The following AUTS2 variants were observed in gnomAD, a reference collection of about 807,000 sequenced individuals.
The protein encoded by AUTS2 is autism susceptibility gene 2 protein.
AUTS2 carries 17 observed loss-of-function variants against 112.4 expected under a neutral mutation model. The ratio of observed to expected loss-of-function variants is 0.15; its 90% CI spans 0.10 to 0.23. The LOEUF (loss-of-function observed/expected upper bound fraction) is 0.23, where lower values mean the gene tolerates loss of function less well. Ranked by LOEUF, AUTS2 falls within the 10% of genes least tolerant of loss-of-function variation. AUTS2 has a pLI of 1.00. For missense variants in AUTS2, 1,510 were observed against 1,701.6 expected, an observed-to-expected ratio of 0.89 and a Z score of 1.98; for synonymous variants, 751 against 702.7, an observed-to-expected ratio of 1.07 and a Z score of -1.09.
intron 1 of AUTS2, among the ~76,000 whole-genome samples, chr7:69,688,921 A>T (rs1562811985): frequency 6.6e-6 from 1 of 152,248 alleles, no homozygotes. Flanking sequence ...TGTAAATTTT[A>T]TTCCAAAATT....
At chr7:70,590,746 G>T (rs954593931) in intron 5 of AUTS2, among the ~76,000 whole-genome samples, 30 of 152,202 alleles carry the variant, frequency 2.0e-4, no homozygotes, top group Admixed American at 5.9e-4. Context: ...AGTCTGAGTT[G>T]TCAACAAAAC....
intron 3 of AUTS2, among the ~76,000 whole-genome samples, chr7:70,126,707 TAAAC>T (rs1805991203): frequency 6.6e-6 from 1 of 152,216 alleles, no homozygotes; most frequent in Non-Finnish European, 1.5e-5. Flanking sequence ...AAACTTTTAA[TAAAC>T]AAGCCTCAAA....
intron 2 of AUTS2, among the ~76,000 whole-genome samples, chr7:69,995,178 T>G (rs1337261844): frequency 6.6e-6 from 1 of 152,204 alleles, no homozygotes; most frequent in African/African-American, 2.4e-5. Flanking sequence ...ACTTTTTGTT[T>G]AGGCTTACTA....
chr7:70,581,653 C>G (rs1802453784), intron 5 of AUTS2, among the ~76,000 whole-genome samples: 1 of 151,584 alleles, frequency 6.6e-6, no homozygotes, highest in South Asian at 2.1e-4. Context: ...CTCTCACCCA[C>G]CTGACCCCTT....
chr7:69,967,116 A>C (rs1309028271), intron 2 of AUTS2, among the ~76,000 whole-genome samples: 1 of 152,154 alleles, frequency 6.6e-6, no homozygotes, highest in Admixed American at 6.6e-5. Context: ...AATTTTCTGT[A>C]GGCGTGGAGA....
intron 4 of AUTS2, among the ~76,000 whole-genome samples, chr7:70,373,844 A>C (rs1792958220): frequency 6.6e-6 from 1 of 152,076 alleles, no homozygotes; most frequent in South Asian, 2.1e-4. Context: ...TTTTCTGTTC[A>C]TATTTAGTGA....
intron 4 of AUTS2, among the ~76,000 whole-genome samples, chr7:70,173,360 C>CAA (rs770800747): frequency 9.0e-5 from 8 of 88,558 alleles, no homozygotes; most frequent in Non-Finnish European, 1.6e-4. Flanking sequence ...GACCCCGTCT[C>CAA]AAAAAAAAAA....
chr7:70,070,424 A>T (rs1458505796), intron 2 of AUTS2, among the ~76,000 whole-genome samples: 1 of 151,646 alleles, frequency 6.6e-6, no homozygotes, highest in African/African-American at 2.4e-5. Context: ...AAAAAAAAAA[A>T]AAAAATTAGC....
At chr7:70,744,412 T>C (rs1467163517) in intron 6 of AUTS2, among the ~76,000 whole-genome samples, 1 of 152,156 alleles carries the variant, frequency 6.6e-6, no homozygotes, top group Admixed American at 6.5e-5. Context: ...TCATCTTGCC[T>C]TTTCTAGGCC....
chr7:70,015,025 C>T (rs750154540), intron 2 of AUTS2, among the ~76,000 whole-genome samples: 18 of 152,164 alleles, frequency 1.2e-4, no homozygotes, highest in Non-Finnish European at 2.5e-4. Context: ...CTCTGAAAAA[C>T]GCTAATATCC....
chr7:70,196,674 G>A (rs1810191196), intron 4 of AUTS2, among the ~76,000 whole-genome samples: 1 of 152,132 alleles, frequency 6.6e-6, no homozygotes, highest in Non-Finnish European at 1.5e-5. Context: ...CATTATTCCT[G>A]GATATTTTCA....
chr7:69,606,061 G>C (rs1792697506), intron 1 of AUTS2, among the ~76,000 whole-genome samples: 1 of 152,080 alleles, frequency 6.6e-6, no homozygotes, highest in African/African-American at 2.4e-5. Flanking sequence ...TTTGGAATTA[G>C]AATGTAAATG....
At chr7:70,222,976 C>T (rs1811565078) in intron 4 of AUTS2, among the ~76,000 whole-genome samples, 1 of 151,688 alleles carries the variant, frequency 6.6e-6, no homozygotes, top group African/African-American at 2.4e-5. Flanking sequence ...CAACCTCTGC[C>T]TCTTGGGTTC....
rs1793353719 is a variant in AUTS2, at chr7:69,616,055, C to G, written c.309+16093C>G. On this transcript the variant is annotated intron_variant, in intron 1 of 18. Transcript: ENST00000342771. Reference sequence around the variant, plus strand: ...GTCTGCTGAGTGTATTTCATATCTTCCCTGCAATTGTGAGAAGGTCCTTTA... The same window carrying G: ...GTCTGCTGAGTGTATTTCATATCTTGCCTGCAATTGTGAGAAGGTCCTTTA... 3.3e-5 allele frequency among the ~76,000 whole-genome samples: 5 copies of G among 152,310 alleles called. No homozygotes were observed. In the South Asian group the frequency reaches 8.3e-4, roughly 25 times the overall value.
intron 2 of AUTS2, among the ~76,000 whole-genome samples, chr7:69,967,166 A>G (rs1310088379): frequency 6.6e-6 from 1 of 152,162 alleles, no homozygotes; most frequent in Admixed American, 6.6e-5. Flanking sequence ...TCATGGGGTT[A>G]AATCTGTGGC....
At chr7:70,532,987 A>C (rs1800157869) in intron 5 of AUTS2, among the ~76,000 whole-genome samples, 1 of 152,104 alleles carries the variant, frequency 6.6e-6, no homozygotes, top group African/African-American at 2.4e-5. Flanking sequence ...GTAGTTGTGG[A>C]TGGTTATGGC....
At chr7:69,789,195 T>G (rs529729923) in intron 1 of AUTS2, among the ~76,000 whole-genome samples, 20 of 152,280 alleles carry the variant, frequency 1.3e-4, no homozygotes, top group African/African-American at 4.1e-4. Flanking sequence ...TTGGGTTTGC[T>G]TGTGTGGACA....
rs61555118 is a variant in AUTS2, at chr7:69,715,227, T to TAAAA, written c.309+115281_309+115284dup. 1.2e-4 allele frequency among the ~76,000 whole-genome samples: 15 copies of TAAAA among 129,410 alleles called. No individual in the cohort carries two copies. The South Asian group carries it at 2.9e-3, about 25-fold the overall frequency. 84.9% of individuals were successfully genotyped at this position (129,410 alleles called of 152,430 possible). A position where few individuals can be genotyped will look rare whatever the true frequency, so the allele number is the denominator to read the frequency against. On this transcript the variant is annotated intron_variant, in intron 1 of 18. Transcript: ENST00000342771. The stretch of plus-strand genomic sequence containing the variant: ...TTGTATAATTTTCTTCAGGCATAAG[T>TAAAA]AAAAAAAAAAAAAAAAAAAGGAAAA...
Position 70,764,813 on chromosome 7 carries a change from C to T in AUTS2, c.1276C>T (p.Pro426Ser). 9.7e-7 allele frequency: 1 copy of T among 1,031,836 alleles called. No homozygotes were observed. The highest frequency in any genetic ancestry group is 1.5e-6 in the Non-Finnish European group (1 of 672,804). 63.9% of individuals were successfully genotyped at this position (1,031,836 alleles called of 1,614,324 possible). ...CGCCCCACCTCACATCTCCCACCAC[C>T]CCTCTGCCTCCCCGTTCCCCCTCTC... is the stretch of plus-strand genomic sequence containing the variant. The part of the protein sequence containing the change: ...QPAPPHISHH[P>S]SASPFPLSLP... Residue 426 changes from proline to serine, a missense_variant, in exon 8 of 19, where the codon CCC becomes TCC. Pro to Ser is a moderately conservative substitution (Grantham distance 74). Around this residue, in one of 3 missense-constraint regions of AUTS2, gnomAD observed 535 missense variants for 594.3 expected, o/e 0.90. Coordinates refer to ENST00000342771, the MANE Select transcript of AUTS2 (RefSeq NM_015570.4).
Sources: gnomAD v4.1 joint callset for allele counts (sites outside exome capture counted in the v4.1 genomes callset) on GRCh38, gnomAD v4.1.1 for gene constraint, gnomAD v4.1.1 regional missense constraint, MANE v1.5 for transcripts, NCBI Gene and HGNC (gene_info 2026-07-23, HGNC 2026-07-21) for gene names.